Variants in DLG2 observed in about 807,000 individuals in gnomAD.
DLG2 encodes disks large homolog 2.
A neutral mutation model predicts 132.5 loss-of-function variants in DLG2; 45 were observed. That is an observed-to-expected ratio of 0.34 (90% CI 0.27 to 0.44). The LOEUF is 0.44. Among genes scored for constraint, DLG2 ranks in the 20% least tolerant of loss-of-function variants. DLG2 has a pLI of 1.00. For missense variants in DLG2, 1,045 were observed against 1,196.9 expected (o/e 0.87, Z 1.87); for synonymous variants, 424 against 419.6 (o/e 1.01, Z -0.13).
At chr11:83,525,312 G>C (rs2095579485) in intron 21 of DLG2, among the ~76,000 whole-genome samples, 1 of 152,148 alleles carries the variant, frequency 6.6e-6, no homozygotes, top group Non-Finnish European at 1.5e-5. Flanking sequence ...TGCTGGCTCA[G>C]GTGGTTCTCA....
intron 7 of DLG2, among the ~76,000 whole-genome samples, chr11:84,440,012 T>C (rs928996503): frequency 3.3e-5 from 5 of 152,224 alleles, no homozygotes; most frequent in African/African-American, 1.2e-4. Context: ...CTTCATGAGT[T>C]AAAACTTCAT....
chr11:84,311,453 G>A (rs558602950), intron 7 of DLG2, among the ~76,000 whole-genome samples: 20 of 152,182 alleles, frequency 1.3e-4, no homozygotes, highest in Non-Finnish European at 2.4e-4. Context: ...GAGGCTTAGA[G>A]AGGTTAAGCA....
chr11:85,093,323 T>A (rs2069138341), intron 6 of DLG2, among the ~76,000 whole-genome samples: 1 of 152,080 alleles, frequency 6.6e-6, no homozygotes, highest in Non-Finnish European at 1.5e-5. Flanking sequence ...TTTTTTTGTA[T>A]TTTTTGTGTG....
intron 3 of DLG2, among the ~76,000 whole-genome samples, chr11:85,295,675 T>C (rs572995460): frequency 3.9e-5 from 6 of 152,278 alleles, no homozygotes; most frequent in African/African-American, 1.2e-4. Flanking sequence ...AAAACAAGTA[T>C]ATTTTATTGT....
At chr11:85,617,980 C>T (rs965671947) in intron 2 of DLG2, among the ~76,000 whole-genome samples, 1 of 152,148 alleles carries the variant, frequency 6.6e-6, no homozygotes, top group Non-Finnish European at 1.5e-5. Context: ...TATACCATTC[C>T]TCTTGATCTT....
intron 6 of DLG2, among the ~76,000 whole-genome samples, chr11:85,045,505 T>A (rs980577630): frequency 6.6e-6 from 1 of 152,038 alleles, no homozygotes; most frequent in African/African-American, 2.4e-5. Context: ...TTCATTACTG[T>A]AATACAATAT....
chr11:84,904,330 T>A (rs1239014289), intron 6 of DLG2, among the ~76,000 whole-genome samples: 1 of 152,194 alleles, frequency 6.6e-6, no homozygotes, highest in Non-Finnish European at 1.5e-5. Flanking sequence ...ATTATATCCC[T>A]TTGTTTGTGT....
At chr11:85,416,347 T>G (rs2089844509) in intron 3 of DLG2, among the ~76,000 whole-genome samples, 1 of 152,228 alleles carries the variant, frequency 6.6e-6, no homozygotes, top group Admixed American at 6.5e-5. Context: ...TACTGTAGCC[T>G]TGTAGTATAG....
At chr11:83,784,962 A>G (rs888315450) in intron 18 of DLG2, among the ~76,000 whole-genome samples, 1 of 152,220 alleles carries the variant, frequency 6.6e-6, no homozygotes, top group Non-Finnish European at 1.5e-5. Context: ...AGAAAATGGA[A>G]GATTCCGATG....
chr11:84,791,985 G>T lies in DLG2; in HGVS notation c.358-257254C>A, dbSNP rs565575621. Among the ~76,000 whole-genome samples the T allele has an allele frequency of 4.6e-5, 7 of 152,252 alleles. No homozygotes were observed. In the South Asian group the frequency reaches 1.5e-3, roughly 32 times the overall value. On this transcript the variant is annotated intron_variant, in intron 6 of 27. Transcript: ENST00000376104. ...CAGTACTATGCTGAATAACAGTGAT[G>T]AAAGTGAGCATCCTTATCATGTTGC... is the stretch of plus-strand genomic sequence containing the variant.
intron 7 of DLG2, among the ~76,000 whole-genome samples, chr11:84,439,449 C>T (rs1000836596): frequency 4.0e-5 from 6 of 151,898 alleles, no homozygotes; most frequent in African/African-American, 1.2e-4. Flanking sequence ...CCTCCTTTGA[C>T]ATGCCTTGCT....
At chr11:85,587,343 A>G (rs906419920) in intron 3 of DLG2, among the ~76,000 whole-genome samples, 2 of 152,058 alleles carry the variant, frequency 1.3e-5, no homozygotes, top group African/African-American at 4.8e-5. Flanking sequence ...CTCATTTCTT[A>G]GGTCTAGTAA....
intron 21 of DLG2, among the ~76,000 whole-genome samples, chr11:83,495,507 A>C (rs897397772): frequency 1.3e-5 from 2 of 152,142 alleles, no homozygotes; most frequent in Non-Finnish European, 2.9e-5. Flanking sequence ...TCCTTCTCTA[A>C]GTTGTCACAG....
chr11:84,337,218 A>T (rs1444686629), intron 7 of DLG2, among the ~76,000 whole-genome samples: 1 of 152,128 alleles, frequency 6.6e-6, no homozygotes, highest in Non-Finnish European at 1.5e-5. Context: ...GGTCATACAT[A>T]TGAGGTATCT....
intron 3 of DLG2, among the ~76,000 whole-genome samples, chr11:85,544,101 T>C (rs1236208661): frequency 2.0e-5 from 3 of 152,210 alleles, no homozygotes; most frequent in African/African-American, 4.8e-5. Flanking sequence ...CAAGGTTTTA[T>C]TCTAGGGTTT....
chr11:84,181,844 T>C (rs918760132), intron 8 of DLG2, among the ~76,000 whole-genome samples: 3 of 152,160 alleles, frequency 2.0e-5, no homozygotes, highest in Admixed American at 6.6e-5. Flanking sequence ...ACCCTTAATA[T>C]GTATGGGCTG....
chr11:84,090,507 A>G (rs2097073214), intron 10 of DLG2, among the ~76,000 whole-genome samples: 1 of 152,096 alleles, frequency 6.6e-6, no homozygotes, highest in Non-Finnish European at 1.5e-5. Context: ...AACATTTTTT[A>G]AAAGTTTCAT....
intron 6 of DLG2, among the ~76,000 whole-genome samples, chr11:84,714,279 T>A (rs1031729377): frequency 6.6e-6 from 1 of 152,078 alleles, no homozygotes; most frequent in Non-Finnish European, 1.5e-5. Flanking sequence ...TAATGATATA[T>A]GAATTGATGG....
At chr11:84,758,052 T>C (rs1395945452) in intron 6 of DLG2, among the ~76,000 whole-genome samples, 7 of 152,238 alleles carry the variant, frequency 4.6e-5, no homozygotes, top group Non-Finnish European at 1.0e-4. Flanking sequence ...CATAACATAC[T>C]TTACAACTGG....
Sources: gnomAD v4.1 joint callset for allele counts (sites outside exome capture counted in the v4.1 genomes callset) on GRCh38, gnomAD v4.1.1 for gene constraint, MANE v1.5 for transcripts, NCBI Gene and HGNC (gene_info 2026-07-23, HGNC 2026-07-21) for gene names.